Variants in UNC79 observed in about 807,000 individuals in gnomAD.
The protein encoded by UNC79 is protein unc-79 homolog.
Under a neutral mutation model 283.1 loss-of-function variants are expected in UNC79, and 37 were observed. That is an observed-to-expected ratio of 0.13 (90% CI 0.10 to 0.17). UNC79 has a LOEUF of 0.17. Among genes scored for constraint, UNC79 ranks in the 10% least tolerant of loss-of-function variants. UNC79 has a pLI of 1.00. For synonymous variants in UNC79, 1,107 were observed against 1,200.2 expected (o/e 0.92, Z 1.61); for missense variants, 2,272 against 3,211.1 (o/e 0.71, Z 7.07).
At chr14:93,662,498 A>G (rs2071702981) in intron 39 of UNC79, 106 bp from the exon 43 acceptor site, 10 of 784,270 alleles carry the variant, frequency 1.3e-5, no homozygotes, top group Admixed American at 2.9e-5. Flanking sequence ...AGAGTTTTCA[A>G]TTAAAAAAAA....
At chr14:93,605,537 T>C (rs549251195) in intron 26 of UNC79, among the ~76,000 whole-genome samples, 1 of 152,306 alleles carries the variant, frequency 6.6e-6, no homozygotes, top group East Asian at 1.9e-4. Context: ...TAAGAGGGCA[T>C]TGGCAAGGAG....
At chr14:93,586,976 G>C (rs2064264482) in intron 22 of UNC79, 68 bp downstream of exon 22, 2 of 1,565,866 alleles carry the variant, frequency 1.3e-6, no homozygotes, top group Admixed American at 1.9e-5. Context: ...ATTAAAGTTA[G>C]ATTAAGATTT....
chr14:93,479,944 CAATT>C (rs1595579053), intron 4 of UNC79, among the ~76,000 whole-genome samples: 2 of 152,302 alleles, frequency 1.3e-5, no homozygotes, highest in South Asian at 2.1e-4. Context: ...AGCTTTCTAA[CAATT>C]AATCTAATTC....
chr14:93,613,220 G>A, intron 27 of UNC79, 137 bp downstream of exon 28: 2 of 1,150,938 alleles, frequency 1.7e-6, no homozygotes, highest in Non-Finnish European at 2.4e-6. Context: ...AGTATGTGGA[G>A]GGGAATGTGA....
intron 29 of UNC79, among the ~76,000 whole-genome samples, chr14:93,619,042 T>C (rs1267530759): frequency 6.6e-6 from 1 of 152,204 alleles, no homozygotes; most frequent in African/African-American, 2.4e-5. Flanking sequence ...ATCTAGTCTT[T>C]GGAAAAAACC....
At chr14:93,364,015 C>T (rs760784345) in intron 1 of UNC79, among the ~76,000 whole-genome samples, 2 of 152,038 alleles carry the variant, frequency 1.3e-5, no homozygotes, top group African/African-American at 2.4e-5. Context: ...CCACTGCGCC[C>T]GGCCTATGTA....
intron 40 of UNC79, among the ~76,000 whole-genome samples, chr14:93,672,137 A>G (rs1303643559): frequency 1.3e-5 from 2 of 152,184 alleles, no homozygotes; most frequent in African/African-American, 4.8e-5. Flanking sequence ...ATTTCTCAAA[A>G]GACTAAAAAG....
chr14:93,526,553 G>A (rs1273775602), intron 8 of UNC79, among the ~76,000 whole-genome samples: 3 of 151,718 alleles, frequency 2.0e-5, no homozygotes, highest in Non-Finnish European at 4.4e-5. Flanking sequence ...TCCCTTTCTC[G>A]GTTTTCCAAA....
chr14:93,706,191 A>G (rs1017770986), intron 48 of UNC79, among the ~76,000 whole-genome samples: 2 of 152,208 alleles, frequency 1.3e-5, no homozygotes, highest in East Asian at 3.8e-4. Flanking sequence ...TCATGTGCCA[A>G]GTTCTGTTCT....
chr14:93,637,344 C>T, intron 32 of UNC79, 45 bp downstream of exon 35: 1 of 1,605,038 alleles, frequency 6.2e-7, no homozygotes, highest in Non-Finnish European at 8.5e-7. Context: ...CTGAAGGAGA[C>T]TGGACATGTC....
chr14:93,416,673 A>T (rs1044913855), intron 1 of UNC79, among the ~76,000 whole-genome samples: 15 of 151,922 alleles, frequency 9.9e-5, no homozygotes, highest in African/African-American at 2.9e-4. Flanking sequence ...TTTGTAGGTC[A>T]CTCAGGACTT....
chr14:93,551,617 A>G (rs1376579512), intron 14 of UNC79, among the ~76,000 whole-genome samples: 2 of 152,220 alleles, frequency 1.3e-5, no homozygotes, highest in African/African-American at 4.8e-5. Context: ...TGTTTAAGTA[A>G]GAGGCATGGT....
intron 10 of UNC79, 47 bp from the exon 11 acceptor site, chr14:93,532,503 A>C (rs773810602): frequency 3.1e-6 from 5 of 1,587,644 alleles, no homozygotes; most frequent in Admixed American, 1.7e-5. Context: ...TAAAAATTAG[A>C]GGGGCTCTCT....
rs1392507175 is a variant in UNC79, at chr14:93,357,745, A to G, written c.-351+24222A>G. On this transcript the variant is annotated intron_variant, in intron 1 of 49. Coordinates refer to the UNC79 transcript ENST00000256339. ...TGGATATATGGATGTATATATATAT[A>G]TGGATATATGGATATATATATATGG... 2.9e-3 allele frequency among the ~76,000 whole-genome samples: 349 copies of G among 118,764 alleles called. 16 individuals carry two copies. Among genetic ancestry groups the G allele is most frequent in the African/African-American group, 0.013 (332 of 25,728 alleles). The allele number at this position is 118,764 out of a possible 152,430, so 77.9% of individuals were successfully genotyped here.
At chr14:93,455,619 GAGA>G (rs2056774462) in intron 1 of UNC79, among the ~76,000 whole-genome samples, 1 of 152,130 alleles carries the variant, frequency 6.6e-6, no homozygotes, top group Non-Finnish European at 1.5e-5. Flanking sequence ...ACTGGGAAAG[GAGA>G]AGAAGAGAAA....
intron 11 of UNC79, among the ~76,000 whole-genome samples, chr14:93,533,244 C>G (rs1179839028): frequency 2.0e-5 from 3 of 152,120 alleles, no homozygotes; most frequent in Non-Finnish European, 4.4e-5. Context: ...GGACCTTGCA[C>G]ACATCATTTA....
chr14:93,614,887 C>G (rs920381714), intron 27 of UNC79, among the ~76,000 whole-genome samples: 1 of 152,124 alleles, frequency 6.6e-6, no homozygotes, highest in African/African-American at 2.4e-5. Context: ...TCTTTGTATA[C>G]ACACCGTATC....
At chr14:93,357,676 CATATATAT>C (rs60284787) in intron 1 of UNC79, among the ~76,000 whole-genome samples, 840 of 32,346 alleles carry the variant, frequency 0.026, 8 homozygotes, top group African/African-American at 0.032. Flanking sequence ...AATAAACTCC[CATATATAT>C]ATATATATAT....
intron 23 of UNC79, among the ~76,000 whole-genome samples, chr14:93,594,678 T>C (rs1166511765): frequency 2.6e-5 from 4 of 152,116 alleles, no homozygotes; most frequent in Admixed American, 2.6e-4. Flanking sequence ...TCCTAGTAAA[T>C]AGAACAGCAG....
Sources: gnomAD v4.1 joint callset for allele counts (sites outside exome capture counted in the v4.1 genomes callset) on GRCh38, gnomAD v4.1.1 for gene constraint, MANE v1.5 for transcripts, NCBI Gene and HGNC (gene_info 2026-07-23, HGNC 2026-07-21) for gene names.